RAPGEF1: variants seen among roughly 807,000 people sequenced by gnomAD.
The protein encoded by RAPGEF1 is CRK SH3-binding GNRP.
A neutral mutation model predicts 143.3 loss-of-function variants in RAPGEF1; 33 were observed. The ratio of observed to expected loss-of-function variants is 0.23; its 90% CI spans 0.17 to 0.31. The LOEUF (loss-of-function observed/expected upper bound fraction) is 0.31, where lower values mean the gene tolerates loss of function less well. Ranked by LOEUF, RAPGEF1 falls within the 10% of genes least tolerant of loss-of-function variation. RAPGEF1 has a pLI of 1.00. For synonymous variants in RAPGEF1, 629 were observed against 676.5 expected (o/e 0.93, Z 1.09); for missense variants, 1,199 against 1,645.4 (o/e 0.73, Z 4.69).
intron 1 of RAPGEF1, among the ~76,000 whole-genome samples, chr9:131,653,425 T>A (rs1455398937): frequency 6.6e-6 from 1 of 152,206 alleles, no homozygotes; most frequent in African/African-American, 2.4e-5. Flanking sequence ...AAGGGACTTG[T>A]ATACAGAAAA....
chr9:131,634,298 A>G (rs1564584387), intron 5 of RAPGEF1, among the ~76,000 whole-genome samples: 1 of 152,186 alleles, frequency 6.6e-6, no homozygotes, highest in African/African-American at 2.4e-5. Flanking sequence ...TGTCTACAGC[A>G]GTGACTGGAA....
intron 1 of RAPGEF1, among the ~76,000 whole-genome samples, chr9:131,663,464 T>C (rs2133697533): frequency 6.6e-6 from 1 of 152,048 alleles, no homozygotes; most frequent in East Asian, 1.9e-4. Context: ...TTTTTTTTTT[T>C]TTTTTTAAAT....
intron 3 of RAPGEF1, among the ~76,000 whole-genome samples, chr9:131,648,648 G>A (rs1970312122): frequency 1.3e-5 from 2 of 152,132 alleles, no homozygotes. Context: ...CAAATCTACT[G>A]TATTACTCTT....
intron 5 of RAPGEF1, among the ~76,000 whole-genome samples, chr9:131,632,115 G>T (rs1298441354): frequency 6.6e-6 from 1 of 151,476 alleles, no homozygotes; most frequent in Non-Finnish European, 1.5e-5. Flanking sequence ...TGAGAGAGGT[G>T]AGAGATTGAG....
Position 131,582,640 on chromosome 9 carries a change from G to A in RAPGEF1, c.3477C>T (p.Ala1159=), listed in dbSNP as rs754435600. 2.0e-6 allele frequency: 3 copies of A among 1,534,778 alleles called. No individual in the cohort carries two copies. The highest frequency in any genetic ancestry group is 2.6e-5 in the East Asian group (1 of 38,088). Residue 1159 remains alanine (A), a synonymous_variant, in exon 25 of 27, where the codon GCC becomes GCT. Coordinates refer to ENST00000683357, the MANE Select transcript of RAPGEF1 (RefSeq NM_001377935.1). ...SSSSFRAYRA[A]LSEVEPPCIP... ...TGCACGGCGGTTCCACCTCCGAGAGGGCGGCCCGGTAGGCTCGGAAGGAGG... is the reference window on the plus strand; with the variant it reads ...TGCACGGCGGTTCCACCTCCGAGAGAGCGGCCCGGTAGGCTCGGAAGGAGG...
intron 1 of RAPGEF1, among the ~76,000 whole-genome samples, chr9:131,662,280 C>T (rs893826241): frequency 2.0e-5 from 3 of 152,222 alleles, no homozygotes; most frequent in African/African-American, 7.2e-5. Context: ...CCCACCTTCT[C>T]CTCCAGCTAC....
chr9:131,632,384 C>T, intron 5 of RAPGEF1, among the ~76,000 whole-genome samples: 1 of 151,512 alleles, frequency 6.6e-6, no homozygotes, highest in Non-Finnish European at 1.5e-5. Flanking sequence ...GCCTCGGCCT[C>T]CCAAAGTGCT....
chr9:131,710,047 T>A (rs928147283), intron 1 of RAPGEF1: 1 of 672,618 alleles, frequency 1.5e-6, no homozygotes, highest in Non-Finnish European at 1.8e-6. Flanking sequence ...ATACTTTTAA[T>A]ACCACTTTTC....
rs759155807 is a variant in RAPGEF1, at chr9:131,626,143, G to A, written c.1481C>T (p.Ser494Phe). The A allele has an allele frequency of 1.2e-6, 2 of 1,613,986 alleles. No homozygotes were observed. The highest frequency in any genetic ancestry group is 1.3e-5 in the African/African-American group (1 of 75,044). ...ATACTGCGAGGGATGCCGCTCGTAG[G>A]ACACCCTGCAGCCAGAGCCGTCCGC... ...QTADGSGCRVSYERHPSQYDN... is the reference protein window; with the variant it reads ...QTADGSGCRVFYERHPSQYDN... Residue 494 changes from serine to phenylalanine, a missense_variant, in exon 10 of 27, where the codon TCC becomes TTC. Around this residue, in one of 6 missense-constraint regions of RAPGEF1, gnomAD observed 613 missense variants for 710.9 expected, o/e 0.86. Coordinates refer to ENST00000683357, the MANE Select transcript of RAPGEF1 (RefSeq NM_001377935.1).
intron 1 of RAPGEF1, among the ~76,000 whole-genome samples, chr9:131,704,694 C>T (rs902281551): frequency 1.3e-5 from 2 of 151,536 alleles, no homozygotes; most frequent in Non-Finnish European, 2.9e-5. Context: ...CTCCCGAGAG[C>T]CAAAATGAAC....
At chr9:131,734,148 T>G (rs777734431) in intron 1 of RAPGEF1, among the ~76,000 whole-genome samples, 1 of 152,088 alleles carries the variant, frequency 6.6e-6, no homozygotes, top group Non-Finnish European at 1.5e-5. Context: ...CCTGAAGAAT[T>G]AAGATGGAAA....
At chr9:131,623,388 A>T (rs1382247423) in intron 10 of RAPGEF1, among the ~76,000 whole-genome samples, 1 of 152,184 alleles carries the variant, frequency 6.6e-6, no homozygotes. Flanking sequence ...GATCCCTTGA[A>T]CCCAGGAGTT....
intron 5 of RAPGEF1, among the ~76,000 whole-genome samples, chr9:131,636,729 A>G (rs958814459): frequency 4.6e-5 from 7 of 152,192 alleles, no homozygotes; most frequent in Admixed American, 4.6e-4. Flanking sequence ...AGAGTGACTC[A>G]GGGCTGCTGA....
At chr9:131,712,715 G>GAACAACTAAAACAACTAATATAAAC (rs1835594788) in intron 1 of RAPGEF1, among the ~76,000 whole-genome samples, 1 of 152,172 alleles carries the variant, frequency 6.6e-6, no homozygotes, top group Non-Finnish European at 1.5e-5. Flanking sequence ...ACGCATCCTA[G>GAACAACTAAAACAACTAATATAAAC]GTTCCAAACA....
At chr9:131,728,255 T>A (rs910349434) in intron 1 of RAPGEF1, among the ~76,000 whole-genome samples, 5 of 152,202 alleles carry the variant, frequency 3.3e-5, no homozygotes, top group Admixed American at 2.0e-4. Context: ...TAAGTTACTT[T>A]GTACACGAGG....
intron 18 of RAPGEF1, among the ~76,000 whole-genome samples, chr9:131,591,861 T>C (rs925798112): frequency 2.6e-5 from 4 of 152,220 alleles, no homozygotes; most frequent in Non-Finnish European, 4.4e-5. Flanking sequence ...TGTTCCAGCC[T>C]CTTCACATCA....
intron 1 of RAPGEF1, among the ~76,000 whole-genome samples, chr9:131,734,806 A>C (rs1318912218): frequency 1.3e-5 from 2 of 152,234 alleles, no homozygotes; most frequent in Non-Finnish European, 2.9e-5. Flanking sequence ...AGTCATTATA[A>C]ATTTCTTTTC....
chr9:131,584,618 G>T lies in RAPGEF1; in HGVS notation c.3234-22C>A. The stretch of plus-strand genomic sequence containing the variant: ...GACCCTGCATGGACCAAGGGAAAAA[G>T]AAACAGCTGAGTTGACAAGTCCCTG... On this transcript the variant is annotated intron_variant, in intron 22 of 26. Coordinates refer to ENST00000683357, the MANE Select transcript of RAPGEF1 (RefSeq NM_001377935.1). The surrounding 1 kb of genome is among the most constrained non-coding windows in gnomAD (Gnocchi z 6.8). 6.2e-7 allele frequency: 1 copy of T among 1,612,596 alleles called. No individual in the cohort carries two copies. The highest frequency in any genetic ancestry group is 8.5e-7 in the Non-Finnish European group (1 of 1,178,626).
intron 1 of RAPGEF1, among the ~76,000 whole-genome samples, chr9:131,663,747 C>T (rs140000265): frequency 1.4e-4 from 22 of 152,182 alleles, no homozygotes; most frequent in African/African-American, 4.8e-4. Context: ...ATGCTAAGTT[C>T]GATCACTTGG....
Sources: allele counts gnomAD v4.1 joint callset (sites outside exome capture counted in the v4.1 genomes callset), GRCh38; gene constraint gnomAD v4.1.1; regional missense constraint gnomAD v4.1.1; non-coding constraint Gnocchi (gnomAD v3.1); transcripts MANE v1.5; gene names NCBI Gene and HGNC (gene_info 2026-07-23, HGNC 2026-07-21).